The following C13orf46 variants were observed in gnomAD, a reference collection of about 807,000 sequenced individuals.
The protein encoded by C13orf46 is uncharacterized protein C13orf46.
At chr13:113,945,539 G>GAGAAAGAAAGAAAGAAAGAA in the C13orf46 span, among the ~76,000 whole-genome samples, 25 of 73,670 alleles carry the variant, frequency 3.4e-4, no homozygotes, top group African/African-American at 1.0e-3. Flanking sequence ...GCGAGAATCT[G>GAGAAAGAAAGAAAGAAAGAA]AGAAAGAAAG....
the C13orf46 span, among the ~76,000 whole-genome samples, chr13:113,945,799 T>C: frequency 6.6e-6 from 1 of 152,202 alleles, no homozygotes. Flanking sequence ...CGTCAGTCTG[T>C]TTCTCTACAT....
the C13orf46 span, among the ~76,000 whole-genome samples, chr13:113,938,474 GCT>G: frequency 6.6e-6 from 1 of 152,130 alleles, no homozygotes; most frequent in Admixed American, 6.5e-5. Flanking sequence ...TCTTCAAATT[GCT>G]CTCTCTTTGA....
chr13:113,932,678 T>TTATA, the C13orf46 span, among the ~76,000 whole-genome samples: 1 of 152,250 alleles, frequency 6.6e-6, no homozygotes. Context: ...GCTTGCCTCT[T>TTATA]TATAGTGTCT....
intron 6 of C13orf46, among the ~76,000 whole-genome samples, chr13:113,964,600 C>G (rs960201725): frequency 2.6e-5 from 4 of 152,240 alleles, no homozygotes; most frequent in South Asian, 4.1e-4. Flanking sequence ...CCTCTCCCCC[C>G]TCCTTCCTCC....
At chr13:113,966,105 ATGATGATGG>A (rs1265008792) in intron 5 of C13orf46, among the ~76,000 whole-genome samples, 52,233 of 142,430 alleles carry the variant, frequency 0.37, 10,605 homozygotes, top group South Asian at 0.49. Flanking sequence ...GATGGTGATG[ATGATGATGG>A]TGATGATGGT....
downstream of C13orf46, among the ~76,000 whole-genome samples, chr13:113,952,388 C>T (rs1296124945): frequency 6.6e-6 from 1 of 151,898 alleles, no homozygotes; most frequent in Non-Finnish European, 1.5e-5. Flanking sequence ...GCCGCTCCCG[C>T]CTGCCCAGGG....
chr13:113,948,773 C>T (rs1053770173), downstream of C13orf46, among the ~76,000 whole-genome samples: 2 of 152,150 alleles, frequency 1.3e-5, no homozygotes, highest in African/African-American at 2.4e-5. Flanking sequence ...TGAGATAAAT[C>T]GAAGGAGACC....
At chr13:113,965,941 G>A (rs1422014596) in intron 5 of C13orf46, among the ~76,000 whole-genome samples, 3 of 145,454 alleles carry the variant, frequency 2.1e-5, no homozygotes, top group African/African-American at 5.1e-5. Flanking sequence ...GATTATGATG[G>A]TGATGATGAT....
chr13:113,948,636 GCGCTGAACCTCA>G, the C13orf46 span, among the ~76,000 whole-genome samples: 29 of 152,294 alleles, frequency 1.9e-4, no homozygotes, highest in South Asian at 1.5e-3. Context: ...CCTCAGTGGA[GCGCTGAACCTCA>G]CGCTGAACCT....
chr13:113,931,265 G>A, the C13orf46 span, among the ~76,000 whole-genome samples: 1 of 152,218 alleles, frequency 6.6e-6, no homozygotes, highest in Non-Finnish European at 1.5e-5. Flanking sequence ...ACAGCGTGCA[G>A]TCTTTTTGCC....
At chr13:113,934,381 A>G in the C13orf46 span, among the ~76,000 whole-genome samples, 1 of 152,190 alleles carries the variant, frequency 6.6e-6, no homozygotes, top group Non-Finnish European at 1.5e-5. Flanking sequence ...TATGTGTTTG[A>G]CTTTTTATGA....
chr13:113,936,131 C>G, the C13orf46 span, among the ~76,000 whole-genome samples: 4 of 152,194 alleles, frequency 2.6e-5, no homozygotes, highest in Non-Finnish European at 5.9e-5. Flanking sequence ...CGGAGAAACT[C>G]AGGAGTCAAT....
the C13orf46 span, among the ~76,000 whole-genome samples, chr13:113,940,275 C>T: frequency 1.3e-5 from 2 of 152,384 alleles, no homozygotes; most frequent in South Asian, 2.1e-4. Flanking sequence ...CCCCTAGACC[C>T]TGCGGTGCTG....
At chr13:113,968,055 C>A (rs1322322473) in intron 4 of C13orf46, among the ~76,000 whole-genome samples, 3 of 152,146 alleles carry the variant, frequency 2.0e-5, no homozygotes, top group Non-Finnish European at 4.4e-5. Flanking sequence ...GTTGTGTTAC[C>A]GTCCCCACCA....
chr13:113,963,501 CCT>C (rs1470633561), intron 6 of C13orf46, among the ~76,000 whole-genome samples: 2 of 149,012 alleles, frequency 1.3e-5, no homozygotes, highest in African/African-American at 2.5e-5. Context: ...AGCCTCGGCC[CCT>C]GTCCTCAGCC....
chr13:113,933,338 G>A, the C13orf46 span, among the ~76,000 whole-genome samples: 2 of 152,224 alleles, frequency 1.3e-5, no homozygotes, highest in Non-Finnish European at 2.9e-5. Context: ...TAAATGAGTA[G>A]TGGCCATAGA....
intron 1 of C13orf46, among the ~76,000 whole-genome samples, chr13:113,972,681 T>G (rs2052721401): frequency 6.6e-6 from 1 of 152,134 alleles, no homozygotes; most frequent in African/African-American, 2.4e-5. Context: ...AGCCTACACG[T>G]TTCGCGGTTT....
chr13:113,945,662 A>G, the C13orf46 span, among the ~76,000 whole-genome samples: 1 of 138,986 alleles, frequency 7.2e-6, no homozygotes, highest in African/African-American at 2.7e-5. Context: ...GAAAGAAAGA[A>G]AGAAAGAAAG....
chr13:113,951,937 A>G (rs1364608215), downstream of C13orf46, among the ~76,000 whole-genome samples: 13 of 152,122 alleles, frequency 8.5e-5, no homozygotes, highest in African/African-American at 3.1e-4. Flanking sequence ...AAGACAACCT[A>G]TGCCTCTCTC....
Sources: gnomAD v4.1 joint callset for allele counts (sites outside exome capture counted in the v4.1 genomes callset) on GRCh38, gnomAD v4.1.1 for gene constraint, MANE v1.5 for transcripts, NCBI Gene and HGNC (gene_info 2026-07-23, HGNC 2026-07-21) for gene names.